DISP1: variants seen among roughly 807,000 people sequenced by gnomAD.
The protein encoded by DISP1 is dispatched RND transporter family member 1, also known as protein dispatched homolog 1.
DISP1 carries 30 observed loss-of-function variants against 37.3 expected under a neutral mutation model. The ratio of observed to expected loss-of-function variants is 0.80; its 90% CI spans 0.60 to 1.09. The LOEUF is 1.09. DISP1 is among the 50% of genes least tolerant of loss of function. The probability of loss-of-function intolerance (pLI) is 0.00; values close to 1 mark genes in which losing one functional copy is unlikely to be tolerated. For synonymous variants in DISP1, 634 were observed against 690.2 expected, an observed-to-expected ratio of 0.92 and a Z score of 1.28; for missense variants, 1,598 against 1,879.5, an observed-to-expected ratio of 0.85 and a Z score of 2.77.
chr1:222,939,284 C>T (rs1674197045), intron 2 of DISP1, among the ~76,000 whole-genome samples: 1 of 149,102 alleles, frequency 6.7e-6, no homozygotes, highest in African/African-American at 2.5e-5. Flanking sequence ...TCTTGTGTAA[C>T]TACAAAACGA....
At chr1:222,995,579 G>T (rs191690529) in intron 8 of DISP1, among the ~76,000 whole-genome samples, 1 of 152,168 alleles carries the variant, frequency 6.6e-6, no homozygotes, top group Admixed American at 6.6e-5. Context: ...GAAGACAGGC[G>T]CTTTGTCTCT....
chr1:222,855,504 C>A (rs1368217460), intron 1 of DISP1, among the ~76,000 whole-genome samples: 4 of 152,130 alleles, frequency 2.6e-5, no homozygotes, highest in South Asian at 4.1e-4. Flanking sequence ...GAGCCTTAAC[C>A]TTTGCAGGGT....
chr1:222,936,951 ATAT>A (rs1278946089), intron 2 of DISP1, among the ~76,000 whole-genome samples: 2 of 86,604 alleles, frequency 2.3e-5, no homozygotes, highest in East Asian at 2.5e-4. Flanking sequence ...TATATATTAC[ATAT>A]TATATTATTT....
intron 2 of DISP1, among the ~76,000 whole-genome samples, chr1:222,935,323 TAA>T (rs1196412293): frequency 6.6e-6 from 1 of 152,184 alleles, no homozygotes; most frequent in African/African-American, 2.4e-5. Context: ...CATTTATTCT[TAA>T]GTTTGGTATT....
intron 1 of DISP1, among the ~76,000 whole-genome samples, chr1:222,922,912 A>C (rs1321489951): frequency 2.6e-5 from 4 of 152,204 alleles, no homozygotes; most frequent in Non-Finnish European, 5.9e-5. Context: ...AGTATTTACC[A>C]ACAAAGTTGG....
rs747836454 is a variant in DISP1 at position 223,004,314 on chromosome 1, T to G, written c.2917T>G (p.Phe973Val). 3.7e-6 allele frequency: 6 copies of G among 1,614,068 alleles called. No individual in the cohort carries two copies. The highest frequency in any genetic ancestry group is 5.1e-6 in the Non-Finnish European group (6 of 1,179,996). The change falls in exon 9 of 9, where the codon TTC (phenylalanine) becomes GTC (valine). Residue 973 changes from phenylalanine (F) to valine (V), a missense_variant. Physicochemically the swap from Phe to Val is conservative, Grantham distance 50 (BLOSUM62 -1). Transcript: ENST00000675850. This position sits in a 1 kb window ranked among gnomAD's most constrained non-coding sequence, Gnocchi z 4.9. ...TGGTTGGTTTGTCAGCAATCTGGAG[T>G]TCTATGACCTCCAGGATAGCCTCTC... ...SNGWFVSNLE[F>V]YDLQDSLSDG...
chr1:222,847,756 A>AAGGGGAAGGGAGAAGGATAT (rs1667996202), intron 1 of DISP1, among the ~76,000 whole-genome samples: 1 of 152,168 alleles, frequency 6.6e-6, no homozygotes, highest in African/African-American at 2.4e-5. Flanking sequence ...GAGAAGGATA[A>AAGGGGAAGGGAGAAGGATAT]AAGGGAAGGG....
At chr1:222,860,138 C>A (rs989024834) in intron 1 of DISP1, among the ~76,000 whole-genome samples, 3 of 152,234 alleles carry the variant, frequency 2.0e-5, no homozygotes, top group Non-Finnish European at 4.4e-5. Context: ...CTCACCACAA[C>A]CTCTGCCTCC....
intron 1 of DISP1, among the ~76,000 whole-genome samples, chr1:222,878,345 A>T (rs1240559371): frequency 1.3e-5 from 2 of 152,144 alleles, no homozygotes; most frequent in African/African-American, 4.8e-5. Context: ...AAAATATGAG[A>T]TCTTGTTGTA....
At chr1:222,843,810 T>C (rs988676150) in intron 1 of DISP1, among the ~76,000 whole-genome samples, 8 of 152,124 alleles carry the variant, frequency 5.3e-5, no homozygotes, top group Non-Finnish European at 8.8e-5. Context: ...TGGTTAGTTA[T>C]TGGGGAGGCC....
At chr1:222,949,986 A>G (rs1675090463) in intron 3 of DISP1, among the ~76,000 whole-genome samples, 1 of 152,220 alleles carries the variant, frequency 6.6e-6, no homozygotes, top group Non-Finnish European at 1.5e-5. Flanking sequence ...CAAGACTTAT[A>G]CCAACAAGTC....
chr1:222,995,623 C>T (rs1402561188), intron 8 of DISP1, among the ~76,000 whole-genome samples: 1 of 152,154 alleles, frequency 6.6e-6, no homozygotes, highest in Non-Finnish European at 1.5e-5. Context: ...ATGTCCGCAT[C>T]AGAAAATGTA....
At chr1:222,860,044 T>A (rs1364373175) in intron 1 of DISP1, among the ~76,000 whole-genome samples, 5 of 152,224 alleles carry the variant, frequency 3.3e-5, no homozygotes, top group Admixed American at 3.3e-4. Context: ...AATTCATTTC[T>A]TCTTTTTTTC....
In DISP1 at chr1:222,939,756, G is replaced by A. The variant is rs374143020; in HGVS notation, c.-17-3051G>A. ...GAGGTGGGAGAATACTTGAACCCAG[G>A]ATGTGGAGGTTGCAGTGAGTAAGCC... On this transcript the variant is annotated intron_variant, in intron 2 of 8. Coordinates refer to ENST00000675850, the MANE Select transcript of DISP1 (RefSeq NM_001377229.1). Among the ~76,000 whole-genome samples the A allele has an allele frequency of 4.0e-3, 602 of 151,402 alleles. 6 individuals carry two copies. Among genetic ancestry groups the A allele is most frequent in the African/African-American group, 0.014 (586 of 41,242 alleles).
At chr1:222,973,978 GTCTCTTAT>G (rs1459495319) in intron 3 of DISP1, among the ~76,000 whole-genome samples, 21 of 152,274 alleles carry the variant, frequency 1.4e-4, no homozygotes, top group African/African-American at 4.1e-4. Context: ...AGTTCTGACA[GTCTCTTAT>G]TCTAATTAGG....
At chr1:222,984,452 AGAGAGAGC>A (rs1484283442) in intron 4 of DISP1, among the ~76,000 whole-genome samples, 1 of 144,490 alleles carries the variant, frequency 6.9e-6, no homozygotes, top group African/African-American at 2.5e-5. Flanking sequence ...AGAGAGAGAG[AGAGAGAGC>A]GTACTCATAT....
intron 1 of DISP1, among the ~76,000 whole-genome samples, chr1:222,892,403 G>A (rs1026868492): frequency 2.6e-5 from 4 of 152,132 alleles, no homozygotes; most frequent in Admixed American, 2.0e-4. Context: ...TGCAAATAAC[G>A]TAAGTATGAA....
At chr1:222,871,072 G>C (rs376460982) in intron 1 of DISP1, among the ~76,000 whole-genome samples, 7 of 152,086 alleles carry the variant, frequency 4.6e-5, no homozygotes, top group East Asian at 1.9e-4. Context: ...GCTTGTTTTT[G>C]TCAGGTTTGT....
intron 1 of DISP1, among the ~76,000 whole-genome samples, chr1:222,873,411 G>A (rs1293116176): frequency 1.3e-5 from 2 of 152,164 alleles, no homozygotes; most frequent in African/African-American, 4.8e-5. Context: ...GGGAGTCTAA[G>A]TCTCTTTGTA....
Sources: gnomAD v4.1 joint callset for allele counts (sites outside exome capture counted in the v4.1 genomes callset) on GRCh38, gnomAD v4.1.1 for gene constraint, Gnocchi (gnomAD v3.1) non-coding constraint, MANE v1.5 for transcripts, NCBI Gene and HGNC (gene_info 2026-07-23, HGNC 2026-07-21) for gene names.